Variants in ECHDC3 observed in about 807,000 individuals in gnomAD.
ECHDC3 encodes the protein enoyl-CoA hydratase domain containing 3, also known as enoyl-CoA hydratase domain-containing protein 3, mitochondrial.
ECHDC3 carries 20 observed loss-of-function variants against 17.9 expected under a neutral mutation model. The observed-to-expected ratio is 1.12, with a 90% CI of 0.79 to 1.63. ECHDC3 has a LOEUF of 1.63. ECHDC3 is among the 40% of genes most tolerant of loss of function. The pLI, the probability that ECHDC3 is intolerant of heterozygous loss-of-function variation, is 0.00. For synonymous variants in ECHDC3, 177 were observed against 149.7 expected (o/e 1.18, Z -1.33); for missense variants, 407 against 357.7 (o/e 1.14, Z -1.11).
At position 11,755,626 on chromosome 10, in the gene ECHDC3, ACC is replaced by A. The variant is rs1282375853; in HGVS notation, c.591+20_591+21del. On this transcript the variant is annotated intron_variant, in intron 4 of 4. Transcript: ENST00000379215. ...CTAGAAAGGTAATTTAACTCCCCCC[ACC>A]CACCTCTGCCTCCCAGCCTTCTCCG... 1 of 1,593,862 alleles carries A rather than the reference ACC, an allele frequency of 6.3e-7. No individual in the cohort carries two copies.
At chr10:11,758,424 G>T (rs902912576) in intron 4 of ECHDC3, among the ~76,000 whole-genome samples, 1 of 152,204 alleles carries the variant, frequency 6.6e-6, no homozygotes, top group African/African-American at 2.4e-5. Flanking sequence ...TTTTCTTGAG[G>T]CAGGCAGACT....
chr10:11,763,931 T>C lies in ECHDC3; in HGVS notation c.*387T>C. On this transcript the variant is annotated 3_prime_UTR_variant, in exon 5 of 5. Coordinates refer to ENST00000379215, the MANE Select transcript of ECHDC3 (RefSeq NM_024693.5). The surrounding 1 kb of genome is among the most constrained non-coding windows in gnomAD (Gnocchi z 4.9). ...CGTCCTAAGCAGAGTTAATCCTGGC[T>C]GCTCAGGAGAGGCGACACATTTCAA... 3.0e-6 allele frequency: 3 copies of C among 1,004,664 alleles called. No homozygotes were observed. Among genetic ancestry groups the C allele is most frequent in the South Asian group, 4.5e-5 (1 of 22,028 alleles). The allele number at this position is 1,004,664 out of a possible 1,614,324, so 62.2% of individuals were successfully genotyped here.
intron 1 of ECHDC3, among the ~76,000 whole-genome samples, chr10:11,745,271 C>T (rs1832747423): frequency 6.6e-6 from 1 of 152,104 alleles, no homozygotes; most frequent in South Asian, 2.1e-4. Context: ...CCGCGGCGCA[C>T]AATGGCCTCG....
rs3209522 is a variant in ECHDC3, at chr10:11,763,555, A to G, written c.*11A>G. ...CACGAGCCAGTGTGAGTGGAGGCAG[A>G]GGAGTGAGGCCCACGGGCAGCGCCC... On this transcript the variant is annotated 3_prime_UTR_variant, in exon 5 of 5. Transcript: ENST00000379215. The surrounding 1 kb of genome is among the most constrained non-coding windows in gnomAD (Gnocchi z 4.9). 5 of 1,495,158 alleles carry G rather than the reference A, an allele frequency of 3.3e-6. No homozygotes were observed. The highest frequency in any genetic ancestry group is 4.5e-6 in the Non-Finnish European group (5 of 1,120,074). The allele number at this position is 1,495,158 out of a possible 1,614,324, so 92.6% of individuals were successfully genotyped here. A position where few individuals can be genotyped will look rare whatever the true frequency, so the allele number is the denominator to read the frequency against.
intron 1 of ECHDC3, among the ~76,000 whole-genome samples, chr10:11,745,297 T>C (rs1832747984): frequency 2.0e-5 from 3 of 152,168 alleles, no homozygotes; most frequent in Non-Finnish European, 2.9e-5. Flanking sequence ...TGGAATCTTT[T>C]TATACAATTT....
chr10:11,749,357 C>A, intron 2 of ECHDC3, 138 bp from the exon 3 acceptor site: 1 of 727,458 alleles, frequency 1.4e-6, no homozygotes, highest in Non-Finnish European at 2.2e-6. Context: ...TGGAATTATT[C>A]TTCTCAAAAT....
chr10:11,747,317 G>A, intron 1 of ECHDC3, 32 bp from the exon 2 acceptor site: 5 of 1,611,280 alleles, frequency 3.1e-6, no homozygotes, highest in Non-Finnish European at 4.2e-6. Context: ...TGACTGGTGT[G>A]TGACCCTGTG....
At chr10:11,755,035 C>T (rs777655764) in intron 3 of ECHDC3, among the ~76,000 whole-genome samples, 3 of 152,156 alleles carry the variant, frequency 2.0e-5, no homozygotes, top group East Asian at 1.9e-4. Context: ...AAATGAGAGA[C>T]GTTGGCTGGG....
Position 11,747,450 on chromosome 10 carries a change from T to C in ECHDC3, c.272T>C (p.Leu91Pro). ...CTTCATGACGCTGACAGCAACGATCTGAAAGTCATTATCATCTCGGGTATG... is the reference window on the plus strand; with the variant it reads ...CTTCATGACGCTGACAGCAACGATCCGAAAGTCATTATCATCTCGGGTATG... ...DILHDADSND[L>P]KVIIISAEGP... The change falls in exon 2 of 5, where the codon CTG (leucine) becomes CCG (proline). Residue 91 changes from leucine (L) to proline (P), a missense_variant. Transcript: ENST00000379215. The C allele has an allele frequency of 6.2e-7, 1 of 1,613,972 alleles. No homozygotes were observed. The highest frequency in any genetic ancestry group is 8.5e-7 in the Non-Finnish European group (1 of 1,179,962).
chr10:11,748,901 C>T (rs1415691127), intron 2 of ECHDC3, among the ~76,000 whole-genome samples: 1 of 152,126 alleles, frequency 6.6e-6, no homozygotes, highest in African/African-American at 2.4e-5. Flanking sequence ...ACAACAACAG[C>T]AACAAAAGGG....
At chr10:11,755,828 G>A (rs1052317095) in intron 4 of ECHDC3, 3 of 497,320 alleles carry the variant, frequency 6.0e-6, no homozygotes, top group Admixed American at 3.9e-5. Flanking sequence ...GACGCCAGGC[G>A]TCAATTTGTG....
Position 11,755,574 on chromosome 10 carries a change from CT to C in ECHDC3, c.558del (p.Val188LeufsTer56). ...GVNVGLFCSTPGVALARAVPR... is the reference protein window; with the variant it reads ...GVNVGLFCSTXGVALARAVPR... ...AACGTCGGGCTCTTCTGTTCTACCC[CT>C]GGGGTTGCCTTGGCAAGAGCAGTGC... On this transcript the variant is annotated frameshift_variant, in exon 4 of 5. Coordinates refer to ENST00000379215, the MANE Select transcript of ECHDC3 (RefSeq NM_024693.5). LOFTEE classifies it low-confidence loss of function (END_TRUNC). 6.2e-7 allele frequency: 1 copy of C among 1,613,834 alleles called. No individual in the cohort carries two copies. The highest frequency in any genetic ancestry group is 8.5e-7 in the Non-Finnish European group (1 of 1,179,926).
intron 1 of ECHDC3, among the ~76,000 whole-genome samples, chr10:11,744,330 G>A (rs1466009219): frequency 4.6e-5 from 7 of 152,094 alleles, no homozygotes; most frequent in South Asian, 2.1e-4. Flanking sequence ...AAGAGATGGT[G>A]AAAAAATGGG....
intron 1 of ECHDC3, among the ~76,000 whole-genome samples, chr10:11,743,509 C>G (rs1326408239): frequency 1.3e-5 from 2 of 152,258 alleles, no homozygotes; most frequent in African/African-American, 2.4e-5. Context: ...TCCTCTCATC[C>G]TTTCCTACCT....
intron 3 of ECHDC3, among the ~76,000 whole-genome samples, chr10:11,753,918 G>C (rs985311608): frequency 1.3e-5 from 2 of 152,142 alleles, no homozygotes; most frequent in Non-Finnish European, 2.9e-5. Flanking sequence ...TGGGATTACA[G>C]GCACGTGCCA....
intron 1 of ECHDC3, among the ~76,000 whole-genome samples, chr10:11,745,731 GA>G (rs1368058481): frequency 6.6e-6 from 1 of 152,224 alleles, no homozygotes; most frequent in African/African-American, 2.4e-5. Context: ...ACCTGTAGGT[GA>G]AAACTGATAG....
Position 11,755,821 on chromosome 10 carries a change from G to C in ECHDC3, c.591+213G>C, listed in dbSNP as rs111804063. 6 of 505,640 alleles carry C rather than the reference G, an allele frequency of 1.2e-5. 1 individual carries two copies. The highest frequency in any genetic ancestry group is 1.2e-4 in the African/African-American group (6 of 51,964). The allele number at this position is 505,640 out of a possible 1,614,324, so 31.3% of individuals were successfully genotyped here. On this transcript the variant is annotated intron_variant, in intron 4 of 4. Coordinates refer to ENST00000379215, the MANE Select transcript of ECHDC3 (RefSeq NM_024693.5). ...TGCCTGTTCCTCTGTAGCTTCTGAC[G>C]CCAGGCGTCAATTTGTGAAATCACT...
chr10:11,763,518 C>A lies in ECHDC3; in HGVS notation c.886C>A (p.Pro296Thr), dbSNP rs1588467146. 1.4e-6 allele frequency: 2 copies of A among 1,451,590 alleles called. No individual in the cohort carries two copies. Among genetic ancestry groups the A allele is most frequent in the Non-Finnish European group, 1.9e-6 (2 of 1,056,652 alleles). The allele number at this position is 1,451,590 out of a possible 1,614,324, so 89.9% of individuals were successfully genotyped here. ...GITAFLQKRK[P>T]VWSHEPV ...CACGGCCTTCCTCCAGAAGAGAAAA[C>A]CTGTCTGGTCACACGAGCCAGTGTG... Residue 296 changes from proline (P) to threonine (T), a missense_variant, in exon 5 of 5, where the codon CCT becomes ACT. Physicochemically the swap from Pro to Thr is conservative, Grantham distance 38 (BLOSUM62 -1). Transcript: ENST00000379215. This position sits in a 1 kb window ranked among gnomAD's most constrained non-coding sequence, Gnocchi z 4.9.
chr10:11,760,697 G>C (rs991731518), intron 4 of ECHDC3, among the ~76,000 whole-genome samples: 4 of 152,204 alleles, frequency 2.6e-5, no homozygotes, highest in Non-Finnish European at 5.9e-5. Context: ...GTGGCTGGGA[G>C]GAGCTGTGAC....
Sources: gnomAD v4.1 joint callset for allele counts (sites outside exome capture counted in the v4.1 genomes callset) on GRCh38, gnomAD v4.1.1 for gene constraint, Gnocchi (gnomAD v3.1) non-coding constraint, MANE v1.5 for transcripts, NCBI Gene and HGNC (gene_info 2026-07-23, HGNC 2026-07-21) for gene names.